Variants in TRPC7 observed in about 807,000 individuals in gnomAD.
The protein encoded by TRPC7 is short transient receptor potential channel 7.
In TRPC7, 42 loss-of-function variants were observed where a neutral mutation model predicts 90.1. The observed-to-expected ratio is 0.47, with a 90% CI of 0.36 to 0.60. TRPC7 has a LOEUF of 0.60. Ranked by LOEUF, TRPC7 falls within the 20% of genes least tolerant of loss-of-function variation. TRPC7 has a pLI of 0.00. For synonymous variants in TRPC7, 451 were observed against 436.3 expected (o/e 1.03, Z -0.42); for missense variants, 955 against 1,112.3 (o/e 0.86, Z 2.01).
chr5:136,340,141 C>A (rs1397770316), intron 2 of TRPC7, among the ~76,000 whole-genome samples: 1 of 152,092 alleles, frequency 6.6e-6, no homozygotes, highest in African/African-American at 2.4e-5. Flanking sequence ...TCTAGTCTTA[C>A]AAAAGCAAGA....
intron 2 of TRPC7, among the ~76,000 whole-genome samples, chr5:136,319,689 T>A (rs1392525144): frequency 2.6e-5 from 4 of 151,356 alleles, no homozygotes; most frequent in South Asian, 4.2e-4. Context: ...CTAAATTCAA[T>A]AGTTGGTTCC....
chr5:136,327,755 A>G (rs1759384926), intron 2 of TRPC7, among the ~76,000 whole-genome samples: 1 of 152,212 alleles, frequency 6.6e-6, no homozygotes, highest in African/African-American at 2.4e-5. Flanking sequence ...ACACAGCCCA[A>G]TGCTGGGCGC....
chr5:136,235,974 T>C (rs1484125565), intron 7 of TRPC7, among the ~76,000 whole-genome samples: 3 of 152,206 alleles, frequency 2.0e-5, no homozygotes, highest in Non-Finnish European at 2.9e-5. Context: ...CAAAGCTTGT[T>C]TGAGTCTCAG....
chr5:136,296,770 C>T (rs1758189006), intron 3 of TRPC7, among the ~76,000 whole-genome samples: 1 of 152,118 alleles, frequency 6.6e-6, no homozygotes, highest in African/African-American at 2.4e-5. Context: ...AAATAGCTTC[C>T]TTATTTTTAT....
In TRPC7 at chr5:136,357,203, A is replaced by G; in HGVS notation, c.185T>C (p.Met62Thr). The change falls in exon 2 of 12, where the codon ATG becomes ACG. Residue 62 changes from methionine to threonine, a missense_variant. Physicochemically the swap from Met to Thr is moderately conservative, Grantham distance 81. Transcript: ENST00000513104. ...EYGNIPVVRK[M>T]LEESKTLNFN... ...GTTAAGGGTCTTGGACTCCTCCAGC[A>G]TTTTCCGGACCACCGGGATGTTGCC... 6.2e-7 allele frequency: 1 copy of G among 1,613,412 alleles called. No individual in the cohort carries two copies. Among genetic ancestry groups the G allele is most frequent in the Non-Finnish European group, 8.5e-7 (1 of 1,179,868 alleles).
At chr5:136,287,783 C>CAGAT (rs1213789095) in intron 3 of TRPC7, among the ~76,000 whole-genome samples, 1 of 135,926 alleles carries the variant, frequency 7.4e-6, no homozygotes, top group Non-Finnish European at 1.5e-5. Flanking sequence ...CAGCTTAGGA[C>CAGAT]AGATTGCGGT....
At chr5:136,292,553 A>T (rs1335897531) in intron 3 of TRPC7, among the ~76,000 whole-genome samples, 1 of 152,266 alleles carries the variant, frequency 6.6e-6, no homozygotes, top group Admixed American at 6.5e-5. Context: ...GAAGAAATGG[A>T]TAAATTCCTT....
intron 2 of TRPC7, among the ~76,000 whole-genome samples, chr5:136,336,263 C>T (rs17763361): frequency 5.9e-4 from 90 of 152,224 alleles, no homozygotes; most frequent in Middle Eastern, 6.8e-3. Flanking sequence ...CTTTACACTC[C>T]GGTCCCCCAC....
At chr5:136,331,914 C>T (rs943150649) in intron 2 of TRPC7, among the ~76,000 whole-genome samples, 3 of 152,182 alleles carry the variant, frequency 2.0e-5, no homozygotes, top group Non-Finnish European at 4.4e-5. Flanking sequence ...ACAGTCCCTA[C>T]TCTCATGGAG....
At chr5:136,355,209 A>C (rs1385171384) in intron 2 of TRPC7, among the ~76,000 whole-genome samples, 1 of 152,226 alleles carries the variant, frequency 6.6e-6, no homozygotes, top group East Asian at 1.9e-4. Flanking sequence ...TACCTTCTGC[A>C]GTGGGCAATC....
chr5:136,340,811 A>T (rs546792950), intron 2 of TRPC7, among the ~76,000 whole-genome samples: 8 of 152,308 alleles, frequency 5.3e-5, no homozygotes, highest in African/African-American at 1.7e-4. Flanking sequence ...CCAAGAAAAA[A>T]TGGACAAAAG....
chr5:136,265,747 A>G (rs1416813070), intron 5 of TRPC7, among the ~76,000 whole-genome samples: 1 of 152,194 alleles, frequency 6.6e-6, no homozygotes, highest in African/African-American at 2.4e-5. Context: ...ACAAATAACA[A>G]GAAAATGTTA....
intron 2 of TRPC7, among the ~76,000 whole-genome samples, chr5:136,336,552 C>A (rs1232579959): frequency 6.6e-6 from 1 of 150,998 alleles, no homozygotes; most frequent in African/African-American, 2.4e-5. Context: ...GATACATGTA[C>A]ACAACGTGCA....
chr5:136,257,654 C>T (rs1218106138), intron 5 of TRPC7, among the ~76,000 whole-genome samples: 1 of 152,098 alleles, frequency 6.6e-6, no homozygotes, highest in African/African-American at 2.4e-5. Flanking sequence ...AACCAGCCCC[C>T]TCCTTTTTTG....
At chr5:136,300,794 A>G (rs1309596738) in intron 3 of TRPC7, among the ~76,000 whole-genome samples, 1 of 152,198 alleles carries the variant, frequency 6.6e-6, no homozygotes, top group African/African-American at 2.4e-5. Flanking sequence ...GAAGCATTAA[A>G]GCCTCCAGCT....
intron 2 of TRPC7, among the ~76,000 whole-genome samples, chr5:136,335,206 C>G (rs1043207623): frequency 1.3e-5 from 2 of 152,116 alleles, no homozygotes; most frequent in African/African-American, 4.8e-5. Context: ...CTTTTACCTC[C>G]AACCTCAAAC....
intron 5 of TRPC7, among the ~76,000 whole-genome samples, chr5:136,263,418 A>G: frequency 6.6e-6 from 1 of 152,234 alleles, no homozygotes. Flanking sequence ...CCATCATTCA[A>G]CCAAAAAATT....
intron 2 of TRPC7, among the ~76,000 whole-genome samples, chr5:136,321,577 A>C (rs1449389962): frequency 6.6e-6 from 1 of 152,180 alleles, no homozygotes; most frequent in Non-Finnish European, 1.5e-5. Context: ...TAACAAGATA[A>C]AAACTTAAAA....
chr5:136,351,234 G>A (rs1025241343), intron 2 of TRPC7, among the ~76,000 whole-genome samples: 2 of 152,042 alleles, frequency 1.3e-5, no homozygotes, highest in Non-Finnish European at 2.9e-5. Context: ...ATGCTTTGAG[G>A]ACTTTTCTTC....
Sources: gnomAD v4.1 joint callset for allele counts (sites outside exome capture counted in the v4.1 genomes callset) on GRCh38, gnomAD v4.1.1 for gene constraint, MANE v1.5 for transcripts, NCBI Gene and HGNC (gene_info 2026-07-23, HGNC 2026-07-21) for gene names.